Variants in NUP160 observed in about 807,000 individuals in gnomAD.
NUP160 encodes the protein nuclear pore complex protein Nup160.
Under a neutral mutation model 196.9 loss-of-function variants are expected in NUP160, and 94 were observed. The observed-to-expected ratio is 0.48, with a 90% CI of 0.40 to 0.57. The LOEUF (loss-of-function observed/expected upper bound fraction) is 0.57, where lower values mean the gene tolerates loss of function less well. Ranked by LOEUF, NUP160 falls within the 20% of genes least tolerant of loss-of-function variation. The probability of loss-of-function intolerance (pLI) is 0.00; values close to 1 mark genes in which losing one functional copy is unlikely to be tolerated. For missense variants in NUP160, 1,638 were observed against 1,748.3 expected (o/e 0.94, Z 1.13); for synonymous variants, 605 against 619.7 (o/e 0.98, Z 0.35).
intron 17 of NUP160, among the ~76,000 whole-genome samples, chr11:47,810,371 T>A (rs911598202): frequency 6.6e-6 from 1 of 151,896 alleles, no homozygotes; most frequent in Non-Finnish European, 1.5e-5. Flanking sequence ...CTAATTTTTG[T>A]ATTTTTTTGT....
At chr11:47,826,787 T>C (rs1369839385) in intron 7 of NUP160, among the ~76,000 whole-genome samples, 1 of 152,110 alleles carries the variant, frequency 6.6e-6, no homozygotes, top group African/African-American at 2.4e-5. Context: ...GGTCTCGAAC[T>C]CCTGACCTCA....
intron 16 of NUP160, 22 bp from the exon 17 acceptor site, chr11:47,812,246 A>T (rs368176223): frequency 8.1e-6 from 13 of 1,613,774 alleles, no homozygotes; most frequent in Non-Finnish European, 1.1e-5. Flanking sequence ...AGAAAAATGG[A>T]GTTGAATGCA....
At chr11:47,846,851 A>T (rs1015794868) in intron 2 of NUP160, among the ~76,000 whole-genome samples, 1 of 152,098 alleles carries the variant, frequency 6.6e-6, no homozygotes, top group Non-Finnish European at 1.5e-5. Context: ...GCTTCTGATG[A>T]TCCTGCCGCC....
At chr11:47,806,391 T>C in intron 19 of NUP160, 79 bp from the exon 20 acceptor site, 1 of 1,163,324 alleles carries the variant, frequency 8.6e-7, no homozygotes. Context: ...CAATTCATTT[T>C]ATGCTTGTAA....
intron 10 of NUP160, 66 bp downstream of exon 10, chr11:47,819,308 G>A (rs1229656362): frequency 2.6e-5 from 30 of 1,133,228 alleles, no homozygotes; most frequent in Non-Finnish European, 3.5e-5. Context: ...GCGAGACTCT[G>A]TCTCAAAAAA....
In NUP160 at chr11:47,806,342, T is replaced by C. The variant is rs201626783; in HGVS notation, c.2447-30A>G. 30 of 1,545,664 alleles carry C rather than the reference T, an allele frequency of 1.9e-5. No individual in the cohort carries two copies. In the East Asian group the frequency reaches 6.3e-4, roughly 33 times the overall value. On this transcript the variant is annotated intron_variant, in intron 19 of 35. Transcript: ENST00000378460. ...AAAAGAAAAAGTTATGACAGTTTTG[T>C]GTAGTGGTAATTATCAATTTTCAAT... is the stretch of plus-strand genomic sequence containing the variant.
chr11:47,816,020 G>C, exon 12 of NUP160: 5 of 1,611,674 alleles, frequency 3.1e-6, no homozygotes, highest in Non-Finnish European at 4.2e-6. Context: ...TCAGTTCCTC[G>C]GCAGAAAATC....
At chr11:47,798,956 A>G (rs887990833) in intron 23 of NUP160, among the ~76,000 whole-genome samples, 6 of 151,950 alleles carry the variant, frequency 3.9e-5, no homozygotes, top group African/African-American at 1.5e-4. Flanking sequence ...AAAAAAAAAA[A>G]AAGCAAGCTT....
chr11:47,839,592 C>G (rs1852254317), intron 4 of NUP160: 1 of 458,252 alleles, frequency 2.2e-6, no homozygotes, highest in Admixed American at 3.7e-5. Flanking sequence ...TTAGGCAACC[C>G]ATCTCTACTA....
At chr11:47,804,511 C>A in intron 21 of NUP160, 38 bp downstream of exon 21, 1 of 1,352,876 alleles carries the variant, frequency 7.4e-7, no homozygotes, top group Non-Finnish European at 1.0e-6. Flanking sequence ...CCATGCTTTA[C>A]AAGAATGTGT....
Position 47,793,722 on chromosome 11 carries a change from GTTTTTTTTTT to G in NUP160, c.3290-786_3290-777del, listed in dbSNP as rs750497969. Among the ~76,000 whole-genome samples the G allele has an allele frequency of 8.0e-5, 7 of 87,642 alleles. 1 individual carries two copies. The highest frequency in any genetic ancestry group is 1.0e-4 in the African/African-American group (2 of 19,056). 57.5% of individuals were successfully genotyped at this position (87,642 alleles called of 152,430 possible). A position where few individuals can be genotyped will look rare whatever the true frequency, so the allele number is the denominator to read the frequency against. ...TCATTTAATTATCTGTAAGATATCT[GTTTTTTTTTT>G]TTTTTTTTTTTTTTTTTTTTTTTTT... On this transcript the variant is annotated intron_variant, in intron 27 of 35. Transcript: ENST00000378460.
At chr11:47,782,400 C>T (rs1384320707) in intron 34 of NUP160, among the ~76,000 whole-genome samples, 1 of 137,774 alleles carries the variant, frequency 7.3e-6, no homozygotes, top group African/African-American at 2.7e-5. Context: ...GGTTTGTTTT[C>T]CAATAAACCC....
intron 33 of NUP160, among the ~76,000 whole-genome samples, chr11:47,783,887 T>C (rs762011051): frequency 2.0e-5 from 3 of 151,818 alleles, no homozygotes; most frequent in Non-Finnish European, 4.4e-5. Context: ...GGAGATGGGG[T>C]TTCACCATGT....
At chr11:47,780,980 G>A (rs1039386519) in intron 34 of NUP160, among the ~76,000 whole-genome samples, 2 of 151,650 alleles carry the variant, frequency 1.3e-5, no homozygotes, top group East Asian at 4.0e-4. Context: ...TAATTCCAAC[G>A]TTTTGGGAGG....
At chr11:47,841,691 G>T in intron 2 of NUP160, 1 of 295,912 alleles carries the variant, frequency 3.4e-6, no homozygotes, top group Non-Finnish European at 6.8e-6. Context: ...ATTTTTGTTT[G>T]TTTGTTTGTT....
At chr11:47,847,246 A>C (rs1852416853) in intron 2 of NUP160, among the ~76,000 whole-genome samples, 1 of 152,090 alleles carries the variant, frequency 6.6e-6, no homozygotes, top group African/African-American at 2.4e-5. Flanking sequence ...TGCCTGGCTA[A>C]CCTCGTGTCC....
chr11:47,842,356 C>T (rs779566182), intron 2 of NUP160, among the ~76,000 whole-genome samples: 2 of 152,094 alleles, frequency 1.3e-5, no homozygotes, highest in South Asian at 2.1e-4. Flanking sequence ...TGGTAACTCA[C>T]GGCATCAGCA....
chr11:47,794,507 G>A (rs549903807), intron 27 of NUP160, among the ~76,000 whole-genome samples: 1 of 152,016 alleles, frequency 6.6e-6, no homozygotes, highest in Non-Finnish European at 1.5e-5. Context: ...AGTGGCTCAC[G>A]CCTGTAATCC....
At position 47,819,478 on chromosome 11, in the gene NUP160, C is replaced by T. The variant is rs1851813838; in HGVS notation, c.1278-20G>A. The T allele has an allele frequency of 1.9e-6, 3 of 1,544,484 alleles. No homozygotes were observed. Among genetic ancestry groups the T allele is most frequent in the Non-Finnish European group, 2.7e-6 (3 of 1,116,782 alleles). On this transcript the variant is annotated intron_variant, in intron 9 of 35. Transcript: ENST00000378460. ...ACATTACTAGAGACAAAAAAGTCCA[C>T]CAGTTTATACAGAAATGATCACTAA...
Sources: allele counts gnomAD v4.1 joint callset (sites outside exome capture counted in the v4.1 genomes callset), GRCh38; gene constraint gnomAD v4.1.1; transcripts MANE v1.5; gene names NCBI Gene and HGNC (gene_info 2026-07-23, HGNC 2026-07-21).